DNTT: variants seen among roughly 807,000 people sequenced by gnomAD.
The protein encoded by DNTT is nucleosidetriphosphate:DNA deoxynucleotidylexotransferase.
Under a neutral mutation model 60.9 loss-of-function variants are expected in DNTT, and 47 were observed. The ratio of observed to expected loss-of-function variants is 0.77; its 90% CI spans 0.61 to 0.98. DNTT has a LOEUF of 0.98. Ranked by LOEUF, DNTT falls within the 50% of genes least tolerant of loss-of-function variation. The probability of loss-of-function intolerance (pLI) is 0.00; values close to 1 mark genes in which losing one functional copy is unlikely to be tolerated. For synonymous variants in DNTT, 224 were observed against 221.2 expected (o/e 1.01, Z -0.11); for missense variants, 665 against 627.5 (o/e 1.06, Z -0.64).
At position 96,315,050 on chromosome 10, in the gene DNTT, G is replaced by A. The variant is rs546186039; in HGVS notation, c.204-3302G>A. ...CCTGTGAGGGGCTGATGGCAACCCC[G>A]ACACGAGGAAGCACATCACAGCCCA... On this transcript the variant is annotated intron_variant, in intron 1 of 10. Transcript: ENST00000371174. 5.3e-5 allele frequency among the ~76,000 whole-genome samples: 8 copies of A among 152,232 alleles called. No homozygotes were observed. In the East Asian group the frequency reaches 5.8e-4, roughly 11 times the overall value.
chr10:96,322,673 G>T lies in DNTT; in HGVS notation c.695G>T (p.Gly232Val). The change falls in exon 5 of 11, where the codon GGA becomes GTA. Residue 232 changes from glycine (G) to valine (V), a missense_variant. Gly to Val is a moderately radical substitution (Grantham distance 109). Coordinates refer to ENST00000371174, the MANE Select transcript of DNTT (RefSeq NM_004088.4). ...KGIIEEIIED[G>V]ESSEVKAVLN... Reference sequence around the variant, plus strand: ...GTCCATTAGGAGATTATTGAAGATGGAGAAAGTTCTGAAGTTAAAGCTGTG... The same window carrying T: ...GTCCATTAGGAGATTATTGAAGATGTAGAAAGTTCTGAAGTTAAAGCTGTG... The T allele has an allele frequency of 6.2e-7, 1 of 1,602,654 alleles. No individual in the cohort carries two copies. The highest frequency in any genetic ancestry group is 1.3e-5 in the African/African-American group (1 of 74,862).
rs117681982 is a variant in DNTT at position 96,330,098 on chromosome 10, C to T, written c.1113+1268C>T. Among the ~76,000 whole-genome samples, 532 of 152,280 alleles carry T rather than the reference C, an allele frequency of 3.5e-3. 1 individual carries two copies. Among genetic ancestry groups the T allele is most frequent in the Non-Finnish European group, 6.3e-3 (430 of 68,014 alleles). ...CCCAGAGGGCTGCCCTGTAGATAGCCGGGGCTGGAGATCTAGAGGTGGCAT... is the reference window on the plus strand; with the variant it reads ...CCCAGAGGGCTGCCCTGTAGATAGCTGGGGCTGGAGATCTAGAGGTGGCAT... On this transcript the variant is annotated intron_variant, in intron 8 of 10. Coordinates refer to ENST00000371174, the MANE Select transcript of DNTT (RefSeq NM_004088.4).
At chr10:96,323,990 C>T (rs1054387385) in intron 5 of DNTT, among the ~76,000 whole-genome samples, 14 of 152,242 alleles carry the variant, frequency 9.2e-5, no homozygotes, top group African/African-American at 2.9e-4. Context: ...ACAGGCAGGC[C>T]GTCAATTAGA....
intron 5 of DNTT, among the ~76,000 whole-genome samples, chr10:96,323,572 C>T (rs998120305): frequency 1.0e-4 from 15 of 146,928 alleles, no homozygotes; most frequent in African/African-American, 4.1e-4. Context: ...ACATGAGGAC[C>T]ATGGGGGGGT....
At chr10:96,309,081 C>T (rs985841331) in intron 1 of DNTT, among the ~76,000 whole-genome samples, 5 of 152,130 alleles carry the variant, frequency 3.3e-5, no homozygotes, top group African/African-American at 7.2e-5. Context: ...AGAAAATGCA[C>T]GACCAGGAAG....
At chr10:96,310,608 C>T (rs762371248) in intron 1 of DNTT, among the ~76,000 whole-genome samples, 18 of 152,314 alleles carry the variant, frequency 1.2e-4, no homozygotes, top group Non-Finnish European at 2.6e-4. Context: ...TGGTGGGAGT[C>T]ACTGCCTAGG....
chr10:96,318,637 G>A (rs1844822022), intron 2 of DNTT, 111 bp downstream of exon 2: 2 of 1,340,906 alleles, frequency 1.5e-6, no homozygotes, highest in Non-Finnish European at 1.0e-6. Flanking sequence ...CTACCTGTGT[G>A]ACCTTGGGCA....
intron 1 of DNTT, among the ~76,000 whole-genome samples, chr10:96,311,909 G>C (rs1302078646): frequency 6.6e-6 from 1 of 152,204 alleles, no homozygotes; most frequent in Non-Finnish European, 1.5e-5. Flanking sequence ...CTCCCAGAGT[G>C]CTGGGATTAT....
At chr10:96,314,402 CTTTTTTTTTTTTTT>C (rs869059822) in intron 1 of DNTT, among the ~76,000 whole-genome samples, 6 of 53,230 alleles carry the variant, frequency 1.1e-4, no homozygotes, top group Non-Finnish European at 2.0e-4. Flanking sequence ...TATCTCTTCC[CTTTTTTTTTTTTTT>C]TTTTTTTTTT....
intron 1 of DNTT, among the ~76,000 whole-genome samples, chr10:96,307,997 C>T (rs1470228219): frequency 6.6e-6 from 1 of 151,858 alleles, no homozygotes; most frequent in Admixed American, 6.6e-5. Flanking sequence ...TAGCTCCTGC[C>T]TTCACCTCCC....
chr10:96,307,343 G>GTTGTTTTTT (rs1844650391), intron 1 of DNTT, among the ~76,000 whole-genome samples: 2 of 67,606 alleles, frequency 3.0e-5, no homozygotes, highest in African/African-American at 1.3e-4. Flanking sequence ...GGGTTTTCCA[G>GTTGTTTTTT]TTTTTTTTTT....
intron 9 of DNTT, 101 bp from the exon 10 acceptor site, chr10:96,335,790 A>C (rs1845061137): frequency 7.5e-7 from 1 of 1,338,396 alleles, no homozygotes; most frequent in Admixed American, 1.7e-5. Context: ...CACTTTGAGA[A>C]TGTTTAGTGG....
intron 4 of DNTT, among the ~76,000 whole-genome samples, chr10:96,321,648 T>C (rs1410012314): frequency 1.3e-5 from 2 of 152,136 alleles, no homozygotes; most frequent in African/African-American, 4.8e-5. Flanking sequence ...AATCATTTTA[T>C]AGGGTGACAA....
At chr10:96,309,113 C>G (rs947672933) in intron 1 of DNTT, among the ~76,000 whole-genome samples, 4 of 152,198 alleles carry the variant, frequency 2.6e-5, no homozygotes, top group Non-Finnish European at 5.9e-5. Context: ...ACCTTTGCAT[C>G]TACCTAGCCG....
chr10:96,333,840 T>G (rs1845035489), intron 9 of DNTT, among the ~76,000 whole-genome samples: 3 of 152,032 alleles, frequency 2.0e-5, no homozygotes, highest in Admixed American at 1.3e-4. Context: ...GGACAGAAAA[T>G]GGACAGGGAA....
chr10:96,318,216 A>G (rs569022774), intron 1 of DNTT, 136 bp from the exon 2 acceptor site: 24 of 1,017,494 alleles, frequency 2.4e-5, no homozygotes, highest in Middle Eastern at 3.3e-4. Flanking sequence ...ATGGAGGCCT[A>G]AATTCTCCAC....
rs1008682161 is a variant in DNTT at position 96,318,125 on chromosome 10, G to A, written c.204-227G>A. On this transcript the variant is annotated intron_variant, in intron 1 of 10. Transcript: ENST00000371174. ...CCATCAACGCCTCAGTCCTGCTAAT[G>A]TTGTCTTTATTGTTCGTGCATCTGA... is the stretch of plus-strand genomic sequence containing the variant. Among the ~76,000 whole-genome samples the A allele has an allele frequency of 2.6e-5, 4 of 152,254 alleles. No homozygotes were observed. The East Asian group carries it at 5.8e-4, about 22-fold the overall frequency.
At chr10:96,326,844 C>A (rs1844943282) in intron 6 of DNTT, among the ~76,000 whole-genome samples, 1 of 152,208 alleles carries the variant, frequency 6.6e-6, no homozygotes, top group Non-Finnish European at 1.5e-5. Flanking sequence ...CAATACTTCA[C>A]CCCAATCCTT....
At chr10:96,314,423 T>TTTTTTTTTTTTTTTTTTTTTG in intron 1 of DNTT, among the ~76,000 whole-genome samples, 1 of 113,708 alleles carries the variant, frequency 8.8e-6, no homozygotes, top group Non-Finnish European at 1.7e-5. Flanking sequence ...TTTTTTTTTT[T>TTTTTTTTTTTTTTTTTTTTTG]TTTTTTTGAG....
Sources: allele counts gnomAD v4.1 joint callset (sites outside exome capture counted in the v4.1 genomes callset), GRCh38; gene constraint gnomAD v4.1.1; transcripts MANE v1.5; gene names NCBI Gene and HGNC (gene_info 2026-07-23, HGNC 2026-07-21).